RBM26: variants seen among roughly 807,000 people sequenced by gnomAD.
RBM26 encodes RNA-binding protein 26.
A neutral mutation model predicts 123.6 loss-of-function variants in RBM26; 30 were observed. That is an observed-to-expected ratio of 0.24 (90% confidence interval 0.18 to 0.33). RBM26 has a LOEUF of 0.33. RBM26 is among the 10% of genes least tolerant of loss of function. The pLI, the probability that RBM26 is intolerant of heterozygous loss-of-function variation, is 1.00. For synonymous variants in RBM26, 400 were observed against 404.4 expected, an observed-to-expected ratio of 0.99 and a Z score of 0.13; for missense variants, 947 against 1,203.6, an observed-to-expected ratio of 0.79 and a Z score of 3.15.
At chr13:79,384,364 C>A (rs1034700313) in intron 1 of RBM26, among the ~76,000 whole-genome samples, 1 of 151,348 alleles carries the variant, frequency 6.6e-6, no homozygotes, top group African/African-American at 2.4e-5. Context: ...GCCAAGAGAT[C>A]CTCCCACCGC....
intron 20 of RBM26, among the ~76,000 whole-genome samples, chr13:79,328,429 A>T (rs1038741234): frequency 2.7e-4 from 41 of 151,966 alleles, no homozygotes; most frequent in African/African-American, 9.9e-4. Flanking sequence ...CTTAGACCAA[A>T]TAAGTTCCAC....
Position 79,371,149 on chromosome 13 carries a change from T to C in RBM26, c.430A>G (p.Arg144Gly). 1 of 1,613,750 alleles carries C rather than the reference T, an allele frequency of 6.2e-7. No individual in the cohort carries two copies. Among genetic ancestry groups the C allele is most frequent in the Non-Finnish European group, 8.5e-7 (1 of 1,179,842 alleles). Reference protein sequence around the residue: ...RYRENRSRDERKKDDRSRKRD... With the variant: ...RYRENRSRDEGKKDDRSRKRD... ...TTGCGAGAACGATCATCTTTTTTCC[T>C]CTCATCACGGCTTCTAAAGAAATAT... Residue 144 changes from arginine to glycine, a missense_variant, in exon 5 of 22, where the codon AGG becomes GGG. Coordinates refer to ENST00000438737, the MANE Select transcript of RBM26 (RefSeq NM_001366735.2).
chr13:79,350,956 G>A (rs1005612670), intron 14 of RBM26, among the ~76,000 whole-genome samples: 14 of 152,180 alleles, frequency 9.2e-5, no homozygotes, highest in Non-Finnish European at 1.5e-4. Context: ...TTCCTTAATA[G>A]GCTGTTTACG....
intron 15 of RBM26, among the ~76,000 whole-genome samples, 171 bp downstream of exon 15, chr13:79,344,494 CCTTT>C (rs1390833517): frequency 6.6e-6 from 1 of 152,048 alleles, no homozygotes; most frequent in Non-Finnish European, 1.5e-5. Flanking sequence ...ATCACAGGAA[CCTTT>C]CTTTCAAAGA....
intron 14 of RBM26, among the ~76,000 whole-genome samples, chr13:79,349,423 TAG>T (rs1205788766): frequency 2.0e-5 from 3 of 152,050 alleles, no homozygotes; most frequent in Non-Finnish European, 4.4e-5. Context: ...ATAAGTGAAA[TAG>T]ACAAAGGGAT....
intron 5 of RBM26, among the ~76,000 whole-genome samples, chr13:79,369,932 G>A (rs1316078683): frequency 6.6e-6 from 1 of 152,104 alleles, no homozygotes; most frequent in Non-Finnish European, 1.5e-5. Flanking sequence ...ATGCCCCTTT[G>A]TAATCTGTAA....
In RBM26 at chr13:79,352,444, A is replaced by C. The variant is rs116985578; in HGVS notation, c.2058+709T>G. Among the ~76,000 whole-genome samples the C allele has an allele frequency of 8.4e-4, 124 of 147,334 alleles. 1 individual carries two copies. The East Asian group carries it at 0.022, about 26-fold the overall frequency. ...ATATGCCTCAAATAAAATCAAAGACAAAGTATTTACTCATACCTAAACAAA... is the reference window on the plus strand; with the variant it reads ...ATATGCCTCAAATAAAATCAAAGACCAAGTATTTACTCATACCTAAACAAA... On this transcript the variant is annotated intron_variant, in intron 14 of 21. Transcript: ENST00000438737.
intron 18 of RBM26, among the ~76,000 whole-genome samples, chr13:79,340,788 T>C (rs146210549): frequency 6.6e-6 from 1 of 152,090 alleles, no homozygotes; most frequent in African/African-American, 2.4e-5. Context: ...ATGCAAAGAA[T>C]ATCTCCATAA....
intron 6 of RBM26, among the ~76,000 whole-genome samples, chr13:79,367,897 A>G (rs1407037609): frequency 6.6e-6 from 1 of 152,210 alleles, no homozygotes; most frequent in African/African-American, 2.4e-5. Context: ...AATTTTTGTC[A>G]TATTTTTGTC....
In RBM26 at chr13:79,337,297, G is replaced by A; in HGVS notation, c.2538C>T (p.Ala846=). ...GACCAGATGAAAGAATCCCTCGTTT[G>A]GCAGCCTAGAAGAGATTAGACACAC... ...RKYTELQLEA[A]KRGILSSGRG... Residue 846 remains alanine, a synonymous_variant, in exon 19 of 22, where the codon GCC becomes GCT. Coordinates refer to ENST00000438737, the MANE Select transcript of RBM26 (RefSeq NM_001366735.2). 6.2e-7 allele frequency: 1 copy of A among 1,614,080 alleles called. No individual in the cohort carries two copies. Among genetic ancestry groups the A allele is most frequent in the Non-Finnish European group, 8.5e-7 (1 of 1,179,986 alleles).
chr13:79,317,715 AC>A (rs1257229091), downstream of RBM26, among the ~76,000 whole-genome samples: 40 of 151,868 alleles, frequency 2.6e-4, no homozygotes, highest in South Asian at 2.1e-3. Context: ...CACTAAGCCT[AC>A]ATATGTGTAT....
chr13:79,377,884 C>A (rs570186799), intron 2 of RBM26, among the ~76,000 whole-genome samples: 1 of 151,622 alleles, frequency 6.6e-6, no homozygotes. Context: ...CTCAAGATCA[C>A]GCCATTGCAC....
chr13:79,367,588 G>C (rs2139929472), intron 6 of RBM26, among the ~76,000 whole-genome samples: 1 of 151,788 alleles, frequency 6.6e-6, no homozygotes, highest in South Asian at 2.1e-4. Flanking sequence ...CACAGGAGCT[G>C]GTTGTTTAAA....
chr13:79,395,139 A>G (rs1327129149), intron 1 of RBM26, among the ~76,000 whole-genome samples: 1 of 152,230 alleles, frequency 6.6e-6, no homozygotes, highest in African/African-American at 2.4e-5. Flanking sequence ...CTTTTACACA[A>G]AAGATCTAGC....
At chr13:79,324,465 A>C (rs1356407589) in intron 20 of RBM26, among the ~76,000 whole-genome samples, 1 of 151,800 alleles carries the variant, frequency 6.6e-6, no homozygotes, top group Admixed American at 6.6e-5. Context: ...GACTTTTTTC[A>C]CAATCTGGCC....
intron 1 of RBM26, among the ~76,000 whole-genome samples, chr13:79,402,513 A>T (rs1201992505): frequency 1.3e-5 from 2 of 151,692 alleles, no homozygotes; most frequent in South Asian, 4.2e-4. Flanking sequence ...CTATCCTTCA[A>T]TAACATCCAA....
chr13:79,323,349 G>C (rs2067925793), intron 20 of RBM26, among the ~76,000 whole-genome samples: 2 of 151,462 alleles, frequency 1.3e-5, no homozygotes, highest in Admixed American at 1.3e-4. Flanking sequence ...AAGTTGTGTG[G>C]TATTAAAATC....
intron 9 of RBM26, among the ~76,000 whole-genome samples, chr13:79,363,652 AG>A (rs2074958382): frequency 6.6e-6 from 1 of 152,194 alleles, no homozygotes; most frequent in Non-Finnish European, 1.5e-5. Context: ...CTCTCTCAAC[AG>A]GATCACTTTC....
At chr13:79,373,584 T>A (rs1041853999) in intron 3 of RBM26, among the ~76,000 whole-genome samples, 1,695 of 113,142 alleles carry the variant, frequency 0.015, 26 homozygotes, top group Non-Finnish European at 0.024. Flanking sequence ...TATATTTATA[T>A]ATTACTATAT....
Sources: gnomAD v4.1 joint callset for allele counts (sites outside exome capture counted in the v4.1 genomes callset) on GRCh38, gnomAD v4.1.1 for gene constraint, MANE v1.5 for transcripts, NCBI Gene and HGNC (gene_info 2026-07-23, HGNC 2026-07-21) for gene names.